The following TGFBR3 variants were observed in gnomAD, a reference collection of about 807,000 sequenced individuals.
TGFBR3 encodes the protein transforming growth factor beta receptor 3.
TGFBR3 carries 46 observed loss-of-function variants against 87.9 expected under a neutral mutation model. The observed-to-expected ratio is 0.52, with a 90% CI of 0.41 to 0.67. The LOEUF is 0.67. TGFBR3 is among the 30% of genes least tolerant of loss of function. TGFBR3 has a pLI of 0.00. For missense variants in TGFBR3, 866 were observed against 1,041.9 expected, an observed-to-expected ratio of 0.83 and a Z score of 2.32; for synonymous variants, 381 against 391.6, an observed-to-expected ratio of 0.97 and a Z score of 0.32.
At chr1:91,891,265 G>A (rs1317090017) in intron 2 of TGFBR3, among the ~76,000 whole-genome samples, 1 of 151,582 alleles carries the variant, frequency 6.6e-6, no homozygotes, top group Non-Finnish European at 1.5e-5. Context: ...TACTTGGGAG[G>A]CCGAGGTGAA....
intron 15 of TGFBR3, among the ~76,000 whole-genome samples, chr1:91,697,576 T>C (rs1671475968): frequency 6.6e-6 from 1 of 152,228 alleles, no homozygotes; most frequent in African/African-American, 2.4e-5. Flanking sequence ...TCCAAGTCCT[T>C]ATTCTGCAGC....
chr1:91,865,510 G>A (rs772159621), intron 1 of TGFBR3, among the ~76,000 whole-genome samples: 63 of 152,140 alleles, frequency 4.1e-4, no homozygotes, highest in Non-Finnish European at 6.8e-4. Flanking sequence ...GAGCAATTTG[G>A]AATAATAGTC....
chr1:91,882,118 T>C lies in TGFBR3; in HGVS notation c.-114+3760A>G, dbSNP rs1679106305. On this transcript the variant is annotated intron_variant, in intron 1 of 16. Coordinates refer to ENST00000212355, the MANE Select transcript of TGFBR3 (RefSeq NM_003243.5). ...AAGAAAGGAAACTGGCCTACAAAAC[T>C]ACAGACAAAAATTGAAAACCTTTTT... is the stretch of plus-strand genomic sequence containing the variant. Among the ~76,000 whole-genome samples the C allele has an allele frequency of 2.7e-5, 4 of 146,884 alleles. No individual in the cohort carries two copies. The South Asian group carries it at 8.8e-4, about 32-fold the overall frequency.
In TGFBR3 at chr1:91,799,058, G is replaced by A. The variant is rs143206598; in HGVS notation, c.62-1587C>T. On this transcript the variant is annotated intron_variant, in intron 2 of 16. Transcript: ENST00000212355. ...GTGCCCACTACACCACAACCTCCCA[G>A]ATAGAACCCACGAAAAAGGCCTGAA... Among the ~76,000 whole-genome samples the A allele has an allele frequency of 7.2e-5, 11 of 152,254 alleles. No individual in the cohort carries two copies. The East Asian group carries it at 2.1e-3, about 29-fold the overall frequency.
chr1:91,810,303 C>A (rs1194972982), intron 2 of TGFBR3, among the ~76,000 whole-genome samples: 2 of 152,284 alleles, frequency 1.3e-5, no homozygotes, highest in Non-Finnish European at 2.9e-5. Context: ...AAGCAATCCA[C>A]CTGCCTTGGC....
At chr1:91,768,938 C>T (rs758564615) in intron 3 of TGFBR3, among the ~76,000 whole-genome samples, 3 of 152,268 alleles carry the variant, frequency 2.0e-5, no homozygotes, top group East Asian at 1.9e-4. Context: ...CCACATCTCC[C>T]GTAACCCAAT....
intron 1 of TGFBR3, among the ~76,000 whole-genome samples, chr1:91,884,959 C>T (rs900039495): frequency 5.3e-5 from 8 of 152,250 alleles, no homozygotes; most frequent in Admixed American, 1.3e-4. Flanking sequence ...CTGCCCTCGC[C>T]GCTCCTATCC....
chr1:91,886,661 C>T (rs906131412), upstream of TGFBR3, among the ~76,000 whole-genome samples: 2 of 152,182 alleles, frequency 1.3e-5, no homozygotes, highest in Admixed American at 6.5e-5. Flanking sequence ...AGAGCTCCCC[C>T]ATGCACACAT....
intron 4 of TGFBR3, among the ~76,000 whole-genome samples, chr1:91,748,657 T>C (rs763454604): frequency 1.6e-4 from 25 of 152,098 alleles, no homozygotes; most frequent in Non-Finnish European, 3.4e-4. Context: ...GATAAAATCA[T>C]AGTCATGCCC....
chr1:91,732,105 T>C (rs549237801), intron 5 of TGFBR3, among the ~76,000 whole-genome samples: 16 of 152,168 alleles, frequency 1.1e-4, no homozygotes, highest in Admixed American at 7.9e-4. Flanking sequence ...TAGGGAAAGA[T>C]TGACAAATGA....
chr1:91,868,632 G>C (rs1678470987), intron 1 of TGFBR3, among the ~76,000 whole-genome samples: 1 of 152,136 alleles, frequency 6.6e-6, no homozygotes, highest in South Asian at 2.1e-4. Flanking sequence ...AACCAACCAA[G>C]CTACCTAGAA....
intron 3 of TGFBR3, among the ~76,000 whole-genome samples, chr1:91,780,225 A>C (rs930435267): frequency 1.3e-5 from 2 of 152,210 alleles, no homozygotes; most frequent in Non-Finnish European, 2.9e-5. Context: ...TTAGCCTATC[A>C]CAGTCAGGAA....
chr1:91,773,208 G>C (rs537766128), intron 3 of TGFBR3, among the ~76,000 whole-genome samples: 1 of 150,980 alleles, frequency 6.6e-6, no homozygotes, highest in African/African-American at 2.4e-5. Context: ...GTGAAACTTT[G>C]TCTCTAAAAA....
chr1:91,857,372 A>C (rs1677996996), intron 2 of TGFBR3, among the ~76,000 whole-genome samples: 1 of 151,946 alleles, frequency 6.6e-6, no homozygotes. Flanking sequence ...AAAAAAAAAA[A>C]TTAAGCACCT....
intron 7 of TGFBR3, among the ~76,000 whole-genome samples, chr1:91,724,242 G>A (rs1672473787): frequency 6.6e-6 from 1 of 152,088 alleles, no homozygotes; most frequent in African/African-American, 2.4e-5. Context: ...AAACAAAGAG[G>A]AAGGAAGGAA....
chr1:91,861,746 T>C, intron 1 of TGFBR3, 102 bp from the exon 2 acceptor site: 1 of 594,630 alleles, frequency 1.7e-6, no homozygotes. Context: ...ATGTAAGAAA[T>C]TTATCTTAAA....
chr1:91,886,250 G>A (rs1428218204), upstream of TGFBR3: 16 of 441,166 alleles, frequency 3.6e-5, no homozygotes, highest in Non-Finnish European at 6.9e-5. Flanking sequence ...GGGGAAGGGC[G>A]CTCCTCCGCC....
At chr1:91,825,180 T>C (rs1676586966) in intron 2 of TGFBR3, among the ~76,000 whole-genome samples, 1 of 152,258 alleles carries the variant, frequency 6.6e-6, no homozygotes, top group Admixed American at 6.5e-5. Context: ...AAAACTTGCA[T>C]GTATATGAAT....
chr1:91,778,659 A>G (rs1418464913), intron 3 of TGFBR3, among the ~76,000 whole-genome samples: 1 of 152,238 alleles, frequency 6.6e-6, no homozygotes, highest in Non-Finnish European at 1.5e-5. Context: ...ATACTTATTT[A>G]TTCATGCAAA....
Sources: allele counts gnomAD v4.1 joint callset (sites outside exome capture counted in the v4.1 genomes callset), GRCh38; gene constraint gnomAD v4.1.1; transcripts MANE v1.5; gene names NCBI Gene and HGNC (gene_info 2026-07-23, HGNC 2026-07-21).